The following IL7 variants were observed in gnomAD, a reference collection of about 807,000 sequenced individuals.
The protein encoded by IL7 is interleukin 7.
Under a neutral mutation model 21.6 loss-of-function variants are expected in IL7, and 3 were observed. That is an observed-to-expected ratio of 0.14 (90% CI 0.06 to 0.36). The LOEUF is 0.36. Among genes scored for constraint, IL7 ranks in the 10% least tolerant of loss-of-function variants. The pLI, the probability that IL7 is intolerant of heterozygous loss-of-function variation, is 1.00. For synonymous variants in IL7, 62 were observed against 68.1 expected, an observed-to-expected ratio of 0.91 and a Z score of 0.44; for missense variants, 175 against 200.2, an observed-to-expected ratio of 0.87 and a Z score of 0.76.
chr8:78,706,779 A>T (rs1047031581), intron 3 of IL7, among the ~76,000 whole-genome samples: 2 of 152,154 alleles, frequency 1.3e-5, no homozygotes, highest in African/African-American at 4.8e-5. Context: ...ATATACAAAG[A>T]TATCTGTCAA....
intron 2 of IL7, among the ~76,000 whole-genome samples, chr8:78,788,539 T>C (rs575309880): frequency 6.6e-6 from 1 of 152,302 alleles, no homozygotes; most frequent in Admixed American, 6.5e-5. Flanking sequence ...TCCACCTATT[T>C]TTCTTATTTT....
intron 3 of IL7, among the ~76,000 whole-genome samples, chr8:78,695,877 C>T (rs1218139193): frequency 6.6e-6 from 1 of 152,116 alleles, no homozygotes; most frequent in Non-Finnish European, 1.5e-5. Flanking sequence ...CAAGATTTAA[C>T]TTTTTAAAAA....
chr8:78,780,281 T>C (rs912003904), intron 2 of IL7, among the ~76,000 whole-genome samples: 4 of 152,128 alleles, frequency 2.6e-5, no homozygotes, highest in Non-Finnish European at 4.4e-5. Context: ...AGCTTTGTGG[T>C]TTGTTTGCCC....
At chr8:78,792,641 T>A (rs546489805) in intron 2 of IL7, among the ~76,000 whole-genome samples, 1 of 152,086 alleles carries the variant, frequency 6.6e-6, no homozygotes, top group Non-Finnish European at 1.5e-5. Context: ...AAAGAAGATA[T>A]ATAAAATGGC....
Position 78,762,111 on chromosome 8 carries a change from G to T in IL7, c.148-22029C>A, listed in dbSNP as rs547705727. 32 of 1,597,158 alleles carry T rather than the reference G, an allele frequency of 2.0e-5. No homozygotes were observed. In the African/African-American group the frequency reaches 3.9e-4, roughly 19 times the overall value. The stretch of plus-strand genomic sequence containing the variant: ...AGTGTCCTGATTTCATCTTCACTCA[G>T]TTCTTTTATTCGTTTTCTGTGTCTA... On this transcript the variant is annotated intron_variant, in intron 2 of 5. Coordinates refer to ENST00000263851, the MANE Select transcript of IL7 (RefSeq NM_000880.4).
chr8:78,758,230 C>G (rs1049321776), intron 2 of IL7, among the ~76,000 whole-genome samples: 1 of 152,052 alleles, frequency 6.6e-6, no homozygotes, highest in African/African-American at 2.4e-5. Flanking sequence ...CCAGTCTATA[C>G]TTTATAATTG....
chr8:78,705,428 AG>A (rs1810741212), intron 3 of IL7, among the ~76,000 whole-genome samples: 1 of 152,202 alleles, frequency 6.6e-6, no homozygotes, highest in African/African-American at 2.4e-5. Flanking sequence ...AAATCAGCAA[AG>A]GTAGTGGCCT....
intron 3 of IL7, among the ~76,000 whole-genome samples, chr8:78,722,845 A>G (rs1293716856): frequency 3.3e-5 from 5 of 151,952 alleles, no homozygotes; most frequent in Non-Finnish European, 2.9e-5. Flanking sequence ...ACATCATTTA[A>G]GTTTGATGCA....
chr8:78,745,789 A>G (rs1282771783), intron 2 of IL7, among the ~76,000 whole-genome samples: 1 of 152,226 alleles, frequency 6.6e-6, no homozygotes, highest in African/African-American at 2.4e-5. Flanking sequence ...GAGGCTCAAA[A>G]CAATAAAAAC....
intron 4 of IL7, among the ~76,000 whole-genome samples, chr8:78,737,271 A>G (rs1013271602): frequency 6.6e-6 from 1 of 152,112 alleles, no homozygotes; most frequent in Non-Finnish European, 1.5e-5. Flanking sequence ...GGAGGCTTAT[A>G]ATCAACACAG....
intron 2 of IL7, among the ~76,000 whole-genome samples, chr8:78,779,089 A>AT (rs1813228193): frequency 6.6e-6 from 1 of 152,084 alleles, no homozygotes; most frequent in Non-Finnish European, 1.5e-5. Flanking sequence ...TTGCACATTG[A>AT]TTTTGTATTC....
intron 3 of IL7, among the ~76,000 whole-genome samples, chr8:78,722,828 A>G (rs1191809856): frequency 6.6e-6 from 1 of 151,920 alleles, no homozygotes; most frequent in Non-Finnish European, 1.5e-5. Context: ...ATAATAGAAA[A>G]ACAATCACAT....
chr8:78,712,160 C>A, intron 3 of IL7: 2 of 1,055,148 alleles, frequency 1.9e-6, no homozygotes, highest in Non-Finnish European at 2.5e-6. Flanking sequence ...TCCTTAAAAG[C>A]TTTATATAAT....
chr8:78,719,515 TAAAA>T (rs149516924), intron 5 of IL7: 1 of 151,692 alleles, frequency 6.6e-6, no homozygotes, highest in Non-Finnish European at 1.5e-5. Flanking sequence ...AGTTCAGTTT[TAAAA>T]AAAATCTTCC....
At chr8:78,678,655 A>G in intron 4 of IL7, 1 of 1,610,688 alleles carries the variant, frequency 6.2e-7, no homozygotes, top group Non-Finnish European at 8.5e-7. Context: ...CTGATATTCC[A>G]ACAGTAAAAC....
chr8:78,689,260 G>A, intron 3 of IL7: 1 of 1,591,228 alleles, frequency 6.3e-7, no homozygotes, highest in Non-Finnish European at 8.6e-7. Flanking sequence ...GAGATTCAAT[G>A]AAAATGCAGC....
At chr8:78,775,791 G>T (rs10110519) in intron 2 of IL7, among the ~76,000 whole-genome samples, 28,045 of 151,820 alleles carry the variant, frequency 0.18, 3,923 homozygotes, top group African/African-American at 0.38. Context: ...TAAGGTAACT[G>T]GGGGGGCGCT....
chr8:78,728,636 A>G (rs1811373304), downstream of IL7, among the ~76,000 whole-genome samples: 1 of 152,066 alleles, frequency 6.6e-6, no homozygotes, highest in Non-Finnish European at 1.5e-5. Flanking sequence ...TAAATGTAAA[A>G]CATAAAACTA....
chr8:78,677,101 G>A (rs956711268), intron 4 of IL7, among the ~76,000 whole-genome samples: 7 of 152,046 alleles, frequency 4.6e-5, no homozygotes. Flanking sequence ...AGCCTAAGAG[G>A]CTGCAAGACA....
Sources: gnomAD v4.1 joint callset for allele counts (sites outside exome capture counted in the v4.1 genomes callset) on GRCh38, gnomAD v4.1.1 for gene constraint, MANE v1.5 for transcripts, NCBI Gene and HGNC (gene_info 2026-07-23, HGNC 2026-07-21) for gene names.